The following RGS7 variants were observed in gnomAD, a reference collection of about 807,000 sequenced individuals.
RGS7 encodes regulator of G-protein signaling 7.
RGS7 carries 27 observed loss-of-function variants against 81.1 expected under a neutral mutation model. The ratio of observed to expected loss-of-function variants is 0.33; its 90% CI spans 0.25 to 0.46. The LOEUF is 0.46. RGS7 is among the 20% of genes least tolerant of loss of function. The pLI, the probability that RGS7 is intolerant of heterozygous loss-of-function variation, is 1.00. For missense variants in RGS7, 396 were observed against 607.4 expected, an observed-to-expected ratio of 0.65 and a Z score of 3.66; for synonymous variants, 208 against 207.7, an observed-to-expected ratio of 1.00 and a Z score of -0.01.
chr1:241,028,294 C>G (rs1323667144), intron 3 of RGS7, among the ~76,000 whole-genome samples: 1 of 152,136 alleles, frequency 6.6e-6, no homozygotes, highest in Admixed American at 6.6e-5. Flanking sequence ...AAGAAATCTG[C>G]TTGTGAATTG....
chr1:241,252,687 G>C (rs1405210108), intron 2 of RGS7, among the ~76,000 whole-genome samples: 4 of 152,112 alleles, frequency 2.6e-5, no homozygotes, highest in Non-Finnish European at 5.9e-5. Context: ...TAAGCCTCAG[G>C]ACTCCCTCCA....
intron 3 of RGS7, among the ~76,000 whole-genome samples, chr1:241,027,135 C>A (rs1225009674): frequency 6.6e-6 from 1 of 151,222 alleles, no homozygotes; most frequent in African/African-American, 2.4e-5. Flanking sequence ...CCCAGAAGTT[C>A]CAGTCTGCAG....
chr1:240,998,714 C>A, intron 3 of RGS7: 1 of 1,066,600 alleles, frequency 9.4e-7, no homozygotes. Context: ...GGGCATTGAT[C>A]TTATTCTCCG....
rs1383819064 is a variant in RGS7 at position 241,164,456 on chromosome 1, G to A, written c.79-65694C>T. ...GGTCCCCATCCTGAAGCCACCTAGG[G>A]ACTGCCAGCCATCAGCCAACTCATT... On this transcript the variant is annotated intron_variant, in intron 2 of 18. Transcript: ENST00000440928. The surrounding 1 kb of genome is among the most constrained non-coding windows in gnomAD (Gnocchi z 4.1). 1.3e-5 allele frequency among the ~76,000 whole-genome samples: 2 copies of A among 151,938 alleles called. No individual in the cohort carries two copies. Among genetic ancestry groups the A allele is most frequent in the African/African-American group, 4.8e-5 (2 of 41,352 alleles).
intron 10 of RGS7, among the ~76,000 whole-genome samples, chr1:240,817,157 T>TA (rs1281696463): frequency 6.6e-6 from 1 of 152,210 alleles, no homozygotes; most frequent in Non-Finnish European, 1.5e-5. Flanking sequence ...ACTAAAGGGA[T>TA]AAAAAACTAT....
intron 18 of RGS7, among the ~76,000 whole-genome samples, chr1:240,780,138 C>A (rs545188676): frequency 3.9e-5 from 6 of 151,998 alleles, no homozygotes; most frequent in African/African-American, 1.5e-4. Context: ...TGAGACTGAA[C>A]AATTTATATT....
chr1:241,157,509 C>T (rs2069260332), intron 2 of RGS7, among the ~76,000 whole-genome samples: 2 of 152,156 alleles, frequency 1.3e-5, no homozygotes, highest in African/African-American at 4.8e-5. Context: ...CACCTACACT[C>T]AAGTAAAAAT....
At chr1:241,143,790 T>C (rs2103094944) in intron 2 of RGS7, among the ~76,000 whole-genome samples, 1 of 152,272 alleles carries the variant, frequency 6.6e-6, no homozygotes, top group South Asian at 2.1e-4. Flanking sequence ...ATCACCACTG[T>C]ATTTAGAGGT....
intron 3 of RGS7, among the ~76,000 whole-genome samples, chr1:241,003,535 C>T (rs1017906016): frequency 2.6e-5 from 4 of 151,880 alleles, no homozygotes; most frequent in African/African-American, 9.7e-5. Context: ...TGAGCACTTC[C>T]CTAAGTGCCA....
At chr1:241,216,443 C>A (rs2074563583) in intron 2 of RGS7, among the ~76,000 whole-genome samples, 1 of 152,130 alleles carries the variant, frequency 6.6e-6, no homozygotes, top group Admixed American at 6.6e-5. Context: ...ACCCAGCTCA[C>A]TTTTAGAAAA....
At chr1:241,306,214 C>T (rs2080114417) in intron 2 of RGS7, among the ~76,000 whole-genome samples, 1 of 150,148 alleles carries the variant, frequency 6.7e-6, no homozygotes, top group Non-Finnish European at 1.5e-5. Context: ...GTCCACACAA[C>T]ACAAGCACAC....
At chr1:241,256,439 T>A (rs2077054436) in intron 2 of RGS7, among the ~76,000 whole-genome samples, 1 of 152,212 alleles carries the variant, frequency 6.6e-6, no homozygotes, top group African/African-American at 2.4e-5. Context: ...TCATTGAGGA[T>A]GAGGATCCAC....
At chr1:241,153,364 C>T (rs571982664) in intron 2 of RGS7, among the ~76,000 whole-genome samples, 44 of 151,846 alleles carry the variant, frequency 2.9e-4, no homozygotes, top group Non-Finnish European at 5.6e-4. Flanking sequence ...CATTGCTGAG[C>T]ATTTAACATG....
rs1207384886 is a variant in RGS7 at position 241,013,114 on chromosome 1, A to G, written c.176-29985T>C. Reference sequence around the variant, plus strand: ...GTCCCACTCTGTTGCCCAGGCTGGAATGCAGTGGTGTGATCTCGGCTCACC... The same window carrying G: ...GTCCCACTCTGTTGCCCAGGCTGGAGTGCAGTGGTGTGATCTCGGCTCACC... On this transcript the variant is annotated intron_variant, in intron 3 of 18. Coordinates refer to ENST00000440928, the MANE Select transcript of RGS7 (RefSeq NM_001364886.1). Among the ~76,000 whole-genome samples, 3 of 138,618 alleles carry G rather than the reference A, an allele frequency of 2.2e-5. No individual in the cohort carries two copies. The East Asian group carries it at 6.5e-4, about 30-fold the overall frequency. The allele number at this position is 138,618 out of a possible 152,430, so 90.9% of individuals were successfully genotyped here. A position where few individuals can be genotyped will look rare whatever the true frequency, so the allele number is the denominator to read the frequency against.
At chr1:240,824,574 C>T (rs901234722) in intron 10 of RGS7, among the ~76,000 whole-genome samples, 28 of 152,328 alleles carry the variant, frequency 1.8e-4, no homozygotes, top group African/African-American at 6.5e-4. Flanking sequence ...GAGCTGTGGA[C>T]CCCTCAGAGG....
At chr1:241,216,899 T>A (rs1429368953) in intron 2 of RGS7, among the ~76,000 whole-genome samples, 1 of 152,200 alleles carries the variant, frequency 6.6e-6, no homozygotes, top group Non-Finnish European at 1.5e-5. Flanking sequence ...CCTGACAATG[T>A]CAGTTAAACC....
At chr1:241,260,726 C>T (rs1324739075) in intron 2 of RGS7, among the ~76,000 whole-genome samples, 2 of 152,144 alleles carry the variant, frequency 1.3e-5, no homozygotes, top group African/African-American at 4.8e-5. Flanking sequence ...GCATATCACA[C>T]TAATGCCCAT....
chr1:241,087,970 C>CTA (rs1360836547), intron 3 of RGS7, among the ~76,000 whole-genome samples: 3 of 87,548 alleles, frequency 3.4e-5, no homozygotes, highest in South Asian at 3.5e-4. Flanking sequence ...CTCTCTCTCT[C>CTA]TCTCTCTATA....
chr1:241,098,682 T>C lies in RGS7; in HGVS notation c.159A>G (p.Ile53Met), dbSNP rs764927353. ...CAGACTTACCAGAGAAGACGCTAGG[T>C]ATCTTGGAAAGAAAGCTTTTGACCG... is the stretch of plus-strand genomic sequence containing the variant. ...IRTVKSFLSKIPSVFSGSDIV... is the reference protein window; with the variant it reads ...IRTVKSFLSKMPSVFSGSDIV... Residue 53 changes from isoleucine (I) to methionine (M), a missense_variant, in exon 3 of 19, where the codon ATA (isoleucine) becomes ATG (methionine). By Grantham distance (10) the Ile-to-Met change is conservative. Coordinates refer to ENST00000440928, the MANE Select transcript of RGS7 (RefSeq NM_001364886.1). 1.9e-6 allele frequency: 3 copies of C among 1,612,754 alleles called. No homozygotes were observed. Among genetic ancestry groups the C allele is most frequent in the South Asian group, 1.1e-5 (1 of 91,064 alleles).
Sources: allele counts gnomAD v4.1 joint callset (sites outside exome capture counted in the v4.1 genomes callset), GRCh38; gene constraint gnomAD v4.1.1; non-coding constraint Gnocchi (gnomAD v3.1); transcripts MANE v1.5; gene names NCBI Gene and HGNC (gene_info 2026-07-23, HGNC 2026-07-21).